Variants in KCNH7 observed in about 807,000 individuals in gnomAD.
The protein encoded by KCNH7 is voltage-gated inwardly rectifying potassium channel KCNH7.
Under a neutral mutation model 120.8 loss-of-function variants are expected in KCNH7, and 49 were observed. That is an observed-to-expected ratio of 0.41 (90% CI 0.32 to 0.51). The LOEUF is 0.51. Ranked by LOEUF, KCNH7 falls within the 20% of genes least tolerant of loss-of-function variation. The probability of loss-of-function intolerance (pLI) is 0.38; values close to 1 mark genes in which losing one functional copy is unlikely to be tolerated. For synonymous variants in KCNH7, 547 were observed against 516.1 expected, an observed-to-expected ratio of 1.06 and a Z score of -0.81; for missense variants, 1,097 against 1,446.6, an observed-to-expected ratio of 0.76 and a Z score of 3.92.
intron 3 of KCNH7, among the ~76,000 whole-genome samples, chr2:162,534,641 C>T (rs1179280970): frequency 6.6e-6 from 1 of 151,528 alleles, no homozygotes; most frequent in Non-Finnish European, 1.5e-5. Flanking sequence ...CAAATAAGTA[C>T]CTCGATGACT....
intron 2 of KCNH7, among the ~76,000 whole-genome samples, chr2:162,613,553 A>T (rs1271322720): frequency 6.6e-6 from 1 of 151,926 alleles, no homozygotes; most frequent in Non-Finnish European, 1.5e-5. Flanking sequence ...AATTGTCATT[A>T]TTTTTTGTTT....
chr2:162,563,034 T>C lies in KCNH7; in HGVS notation c.308-25954A>G, dbSNP rs189687806. On this transcript the variant is annotated intron_variant, in intron 2 of 15. Transcript: ENST00000332142. ...AGCTGACTCAGAAACACAGGGTCAC[T>C]TTTCATAGGGTAATTATTTTTGACA... is the stretch of plus-strand genomic sequence containing the variant. Among the ~76,000 whole-genome samples, 44 of 152,118 alleles carry C rather than the reference T, an allele frequency of 2.9e-4. 1 individual carries two copies. The East Asian group carries it at 8.3e-3, about 29-fold the overall frequency.
intron 2 of KCNH7, among the ~76,000 whole-genome samples, chr2:162,583,538 T>A (rs550991473): frequency 2.6e-5 from 4 of 152,134 alleles, no homozygotes; most frequent in Admixed American, 2.6e-4. Flanking sequence ...ATACATCTAT[T>A]TTTAAACAAG....
chr2:162,651,581 A>G (rs1684566902), intron 2 of KCNH7, among the ~76,000 whole-genome samples: 1 of 151,966 alleles, frequency 6.6e-6, no homozygotes, highest in Non-Finnish European at 1.5e-5. Context: ...TATGTTCTAC[A>G]TTTTCTTTAT....
chr2:162,810,992 T>A (rs1684714925), intron 2 of KCNH7, among the ~76,000 whole-genome samples: 1 of 152,206 alleles, frequency 6.6e-6, no homozygotes, highest in African/African-American at 2.4e-5. Context: ...GAAATTTTTC[T>A]ATTTTTAAAT....
chr2:162,524,501 C>A (rs1691636463), intron 3 of KCNH7, among the ~76,000 whole-genome samples: 1 of 151,992 alleles, frequency 6.6e-6, no homozygotes, highest in African/African-American at 2.4e-5. Flanking sequence ...AGAAATATAG[C>A]CATCTTTTGG....
chr2:162,799,680 A>G (rs985026009), intron 2 of KCNH7, among the ~76,000 whole-genome samples: 1 of 152,026 alleles, frequency 6.6e-6, no homozygotes, highest in African/African-American at 2.4e-5. Context: ...TTTTGAGGCT[A>G]AAAGAATACC....
chr2:162,629,518 G>A (rs1176520701), intron 2 of KCNH7, among the ~76,000 whole-genome samples: 1 of 152,134 alleles, frequency 6.6e-6, no homozygotes, highest in Non-Finnish European at 1.5e-5. Flanking sequence ...TGCCAGCCTA[G>A]TGTTCTTCAA....
intron 2 of KCNH7, among the ~76,000 whole-genome samples, chr2:162,721,495 T>G (rs1292058525): frequency 6.6e-6 from 1 of 152,114 alleles, no homozygotes; most frequent in African/African-American, 2.4e-5. Flanking sequence ...GTCTATTTTG[T>G]CCCTCAGGTC....
At chr2:162,558,164 T>C (rs1021577081) in intron 2 of KCNH7, among the ~76,000 whole-genome samples, 2 of 150,934 alleles carry the variant, frequency 1.3e-5, no homozygotes, top group African/African-American at 4.9e-5. Context: ...GGGTTTTGTG[T>C]CCTCAAGCCT....
At chr2:162,708,279 G>A (rs1352005878) in intron 2 of KCNH7, among the ~76,000 whole-genome samples, 1 of 151,992 alleles carries the variant, frequency 6.6e-6, no homozygotes, top group Non-Finnish European at 1.5e-5. Context: ...TGAGACAGCA[G>A]CTAGATTATT....
At chr2:162,464,856 A>T (rs569400823) in intron 6 of KCNH7, among the ~76,000 whole-genome samples, 1 of 152,196 alleles carries the variant, frequency 6.6e-6, no homozygotes, top group East Asian at 1.9e-4. Flanking sequence ...ACTCTGTTCT[A>T]TGTTGGCGTC....
At chr2:162,795,534 C>T (rs895855176) in intron 2 of KCNH7, 1 of 152,050 alleles carries the variant, frequency 6.6e-6, no homozygotes, top group Non-Finnish European at 1.5e-5. Context: ...CTTTGATAGT[C>T]ACTGACAATT....
intron 2 of KCNH7, among the ~76,000 whole-genome samples, chr2:162,824,311 C>T (rs576110428): frequency 2.0e-5 from 3 of 152,080 alleles, no homozygotes; most frequent in Non-Finnish European, 4.4e-5. Context: ...GGAAACATGA[C>T]CTGCAAAGAA....
chr2:162,694,582 G>C (rs964208558), intron 2 of KCNH7, among the ~76,000 whole-genome samples: 1 of 151,980 alleles, frequency 6.6e-6, no homozygotes, highest in African/African-American at 2.4e-5. Context: ...CATTCTCTGG[G>C]AGTGAGGATT....
chr2:162,658,350 G>A (rs1397430183), intron 2 of KCNH7, among the ~76,000 whole-genome samples: 1 of 151,990 alleles, frequency 6.6e-6, no homozygotes, highest in Non-Finnish European at 1.5e-5. Flanking sequence ...GCATGGATCT[G>A]TTTGTTTATT....
intron 2 of KCNH7, among the ~76,000 whole-genome samples, chr2:162,586,541 C>A (rs1203983986): frequency 6.6e-6 from 1 of 151,898 alleles, no homozygotes; most frequent in African/African-American, 2.4e-5. Flanking sequence ...CTGATCAGAG[C>A]CCAAATTGCA....
chr2:162,816,070 C>T (rs554406391), intron 2 of KCNH7, among the ~76,000 whole-genome samples: 1 of 152,000 alleles, frequency 6.6e-6, no homozygotes, highest in East Asian at 1.9e-4. Flanking sequence ...ACCAGCCTGG[C>T]CAACATGGAG....
chr2:162,533,631 G>A (rs1692008987), intron 3 of KCNH7, among the ~76,000 whole-genome samples: 1 of 151,556 alleles, frequency 6.6e-6, no homozygotes, highest in South Asian at 2.1e-4. Flanking sequence ...GGCTACCTAT[G>A]AAATATGAAT....
Sources: gnomAD v4.1 joint callset for allele counts (sites outside exome capture counted in the v4.1 genomes callset) on GRCh38, gnomAD v4.1.1 for gene constraint, MANE v1.5 for transcripts, NCBI Gene and HGNC (gene_info 2026-07-23, HGNC 2026-07-21) for gene names.